PFKFB3: variants seen among roughly 807,000 people sequenced by gnomAD.
PFKFB3 encodes the protein 6-phosphofructo-2-kinase/fructose-2,6-biphosphatase 3.
A neutral mutation model predicts 68.0 loss-of-function variants in PFKFB3; 33 were observed. The ratio of observed to expected loss-of-function variants is 0.49; its 90% CI spans 0.37 to 0.65. The LOEUF is 0.65. PFKFB3 is among the 30% of genes least tolerant of loss of function. The pLI, the probability that PFKFB3 is intolerant of heterozygous loss-of-function variation, is 0.00. For synonymous variants in PFKFB3, 315 were observed against 288.2 expected (o/e 1.09, Z -0.94); for missense variants, 586 against 712.2 (o/e 0.82, Z 2.02).
the PFKFB3 span, among the ~76,000 whole-genome samples, chr10:6,279,377 G>C: frequency 0.62 from 94,824 of 152,024 alleles, 30,299 homozygotes; most frequent in Middle Eastern, 0.72. Context: ...GTTCTTTTCT[G>C]TGCCGCCAAT....
At chr10:6,169,360 G>T (rs1361426815) in intron 1 of PFKFB3, among the ~76,000 whole-genome samples, 1 of 152,182 alleles carries the variant, frequency 6.6e-6, no homozygotes, top group Non-Finnish European at 1.5e-5. Flanking sequence ...TTGGGACTCT[G>T]GCGGCTGTGA....
intron 14 of PFKFB3, chr10:6,231,414 C>T (rs746081349): frequency 1.5e-5 from 23 of 1,575,404 alleles, no homozygotes; most frequent in Non-Finnish European, 1.9e-5. Context: ...CATCTGTCTC[C>T]ATGCCGAGGT....
chr10:6,282,435 C>A, the PFKFB3 span, among the ~76,000 whole-genome samples: 1 of 152,120 alleles, frequency 6.6e-6, no homozygotes, highest in Admixed American at 6.6e-5. Flanking sequence ...AACATGGCAG[C>A]TTAATTTTAA....
chr10:6,188,596 T>C (rs1588443842), intron 1 of PFKFB3, among the ~76,000 whole-genome samples: 1 of 152,106 alleles, frequency 6.6e-6, no homozygotes, highest in East Asian at 1.9e-4. Context: ...TCTAGAACCT[T>C]TTCATCTTAT....
At chr10:6,243,208 G>C (rs1219548237) in intron 14 of PFKFB3, among the ~76,000 whole-genome samples, 2 of 152,082 alleles carry the variant, frequency 1.3e-5, no homozygotes, top group African/African-American at 2.4e-5. Context: ...TTTCATTAGA[G>C]AAAAAAAGAG....
chr10:6,161,201 G>A (rs1186534973), intron 1 of PFKFB3, among the ~76,000 whole-genome samples: 2 of 152,170 alleles, frequency 1.3e-5, no homozygotes, highest in African/African-American at 2.4e-5. Flanking sequence ...CTCCCAAAGT[G>A]CTGGAATTAC....
At chr10:6,217,446 T>C (rs1305725505) in intron 6 of PFKFB3, among the ~76,000 whole-genome samples, 1 of 152,122 alleles carries the variant, frequency 6.6e-6, no homozygotes, top group African/African-American at 2.4e-5. Flanking sequence ...TTCAGGGAGA[T>C]AGGATTAGTT....
the PFKFB3 span, among the ~76,000 whole-genome samples, chr10:6,323,555 T>A: frequency 6.6e-6 from 1 of 152,226 alleles, no homozygotes; most frequent in Non-Finnish European, 1.5e-5. Context: ...ATTGACTATA[T>A]AAATAATTTA....
intron 1 of PFKFB3, among the ~76,000 whole-genome samples, chr10:6,206,392 T>TCC (rs1409103466): frequency 7.5e-6 from 1 of 132,766 alleles, no homozygotes; most frequent in Middle Eastern, 3.6e-3. Context: ...TCTCAATCTT[T>TCC]CCCCGCCCCT....
intron 1 of PFKFB3, among the ~76,000 whole-genome samples, chr10:6,188,078 C>T (rs637906): frequency 0.67 from 101,515 of 150,844 alleles, 36,668 homozygotes; most frequent in Non-Finnish European, 0.8. Flanking sequence ...TGTACGTGTG[C>T]GTGTGTGTGT....
At chr10:6,223,273 C>T (rs1845090782) in intron 11 of PFKFB3, among the ~76,000 whole-genome samples, 1 of 152,196 alleles carries the variant, frequency 6.6e-6, no homozygotes, top group African/African-American at 2.4e-5. Context: ...AGGGTCTTGG[C>T]TTGGGGTGGG....
chr10:6,246,638 G>A (rs539036491), intron 14 of PFKFB3, among the ~76,000 whole-genome samples: 2 of 152,104 alleles, frequency 1.3e-5, no homozygotes, highest in South Asian at 2.1e-4. Flanking sequence ...CACTGCGCCC[G>A]GCCTATTTTA....
chr10:6,204,111 C>G (rs1276208900), intron 1 of PFKFB3, among the ~76,000 whole-genome samples: 1 of 152,240 alleles, frequency 6.6e-6, no homozygotes, highest in Non-Finnish European at 1.5e-5. Context: ...GTACCCTGCC[C>G]CGCCCCGCCG....
chr10:6,177,701 T>C (rs1249854499), intron 1 of PFKFB3, among the ~76,000 whole-genome samples: 1 of 151,826 alleles, frequency 6.6e-6, no homozygotes, highest in Non-Finnish European at 1.5e-5. Context: ...AATTTTGTTT[T>C]GTATTTAGTA....
At chr10:6,269,802 G>T in the PFKFB3 span, among the ~76,000 whole-genome samples, 37 of 152,274 alleles carry the variant, frequency 2.4e-4, 1 homozygote, top group South Asian at 7.7e-3. Context: ...AGGGCCATAT[G>T]ATGTGACTCT....
chr10:6,180,206 T>C (rs528500575), intron 1 of PFKFB3, among the ~76,000 whole-genome samples: 3 of 83,046 alleles, frequency 3.6e-5, no homozygotes, highest in South Asian at 5.3e-4. Context: ...GTAATTGACA[T>C]TCTTTTTAAT....
At chr10:6,250,134 G>T (rs1846348075) in intron 14 of PFKFB3, among the ~76,000 whole-genome samples, 1 of 152,136 alleles carries the variant, frequency 6.6e-6, no homozygotes, top group Non-Finnish European at 1.5e-5. Flanking sequence ...AGAGACAAGG[G>T]TGACCCAAAA....
chr10:6,298,072 G>T, the PFKFB3 span, among the ~76,000 whole-genome samples: 1 of 152,186 alleles, frequency 6.6e-6, no homozygotes, highest in African/African-American at 2.4e-5. Context: ...AAGAAGGGGG[G>T]AGGAAGGAGA....
chr10:6,199,495 C>CT (rs1423993262), upstream of PFKFB3, among the ~76,000 whole-genome samples: 32 of 123,724 alleles, frequency 2.6e-4, no homozygotes, highest in African/African-American at 1.2e-3. Flanking sequence ...TTTTTTTTTT[C>CT]TTTTTTTGTG....
Sources: gnomAD v4.1 joint callset for allele counts (sites outside exome capture counted in the v4.1 genomes callset) on GRCh38, gnomAD v4.1.1 for gene constraint, MANE v1.5 for transcripts, NCBI Gene and HGNC (gene_info 2026-07-23, HGNC 2026-07-21) for gene names.